The following DOC2B variants were observed in gnomAD, a reference collection of about 807,000 sequenced individuals.
DOC2B encodes the protein double C2-like domain-containing protein beta.
Under a neutral mutation model 28.9 loss-of-function variants are expected in DOC2B, and 21 were observed. The observed-to-expected ratio is 0.73, with a 90% CI of 0.52 to 1.05. DOC2B has a LOEUF of 1.05. Ranked by LOEUF, DOC2B falls within the 50% of genes least tolerant of loss-of-function variation. DOC2B has a pLI of 0.00. For synonymous variants in DOC2B, 194 were observed against 178.1 expected (o/e 1.09, Z -0.71); for missense variants, 384 against 421.1 (o/e 0.91, Z 0.77).
intron 3 of DOC2B, 97 bp downstream of exon 3, chr17:164,033 C>T (rs2040233656): frequency 1.0e-6 from 1 of 995,426 alleles, no homozygotes; most frequent in Non-Finnish European, 1.5e-6. Flanking sequence ...TGGGTGCCCG[C>T]AGCCCAGTCC....
chr17:174,571 C>T (rs1039372395), intron 1 of DOC2B, among the ~76,000 whole-genome samples: 1 of 152,178 alleles, frequency 6.6e-6, no homozygotes, highest in African/African-American at 2.4e-5. Flanking sequence ...GCTATGGCCA[C>T]GATGACTCTT....
rs1031331448 is a variant in DOC2B, at chr17:143,294, T to A, written c.*4147A>T. On this transcript the variant is annotated 3_prime_UTR_variant, in exon 9 of 9. Coordinates refer to ENST00000613549, the MANE Select transcript of DOC2B (RefSeq NM_003585.5). ...TCCGGAGTAGGTTTCAGTTGCCTTT[T>A]CCTCCGTCTTTCCACCCTCCCCTCC... 6.6e-6 allele frequency: 1 copy of A among 151,562 alleles called. No individual in the cohort carries two copies. Among genetic ancestry groups the A allele is most frequent in the Non-Finnish European group, 1.5e-5 (1 of 67,970 alleles). 9.4% of individuals were successfully genotyped at this position (151,562 alleles called of 1,614,324 possible).
chr17:159,312 G>A (rs922081120), intron 5 of DOC2B, among the ~76,000 whole-genome samples: 7 of 151,958 alleles, frequency 4.6e-5, no homozygotes, highest in South Asian at 4.1e-4. Context: ...CCAACATGGC[G>A]AACCCCCGTC....
chr17:153,330 T>A (rs1299903692), intron 6 of DOC2B, among the ~76,000 whole-genome samples: 2 of 152,130 alleles, frequency 1.3e-5, no homozygotes, highest in African/African-American at 4.8e-5. Flanking sequence ...CAGGTAAGAC[T>A]CTGCTTTCTG....
At chr17:162,392 C>CAAT (rs2040215733) in intron 3 of DOC2B, among the ~76,000 whole-genome samples, 2 of 152,164 alleles carry the variant, frequency 1.3e-5, no homozygotes, top group South Asian at 4.1e-4. Flanking sequence ...TTGGGTGGCC[C>CAAT]AATGTGGTCA....
chr17:179,337 G>T (rs2040407090), intron 1 of DOC2B, among the ~76,000 whole-genome samples: 1 of 150,746 alleles, frequency 6.6e-6, no homozygotes, highest in African/African-American at 2.4e-5. Context: ...TGGAGATGGG[G>T]CTGGCTGGCC....
At chr17:179,727 C>T (rs142295692) in intron 1 of DOC2B, among the ~76,000 whole-genome samples, 4,336 of 152,334 alleles carry the variant, frequency 0.028, 209 homozygotes, top group African/African-American at 0.099. Context: ...CCGACCCAAT[C>T]TCCCCAAGCT....
At chr17:163,282 C>T (rs1244087460) in intron 3 of DOC2B, among the ~76,000 whole-genome samples, 2 of 152,126 alleles carry the variant, frequency 1.3e-5, no homozygotes, top group African/African-American at 2.4e-5. Context: ...CATCAAGACC[C>T]TGTGTGGGGA....
At chr17:173,142 G>A (rs113473114) in intron 1 of DOC2B, among the ~76,000 whole-genome samples, 7,422 of 152,302 alleles carry the variant, frequency 0.049, 207 homozygotes, top group Non-Finnish European at 0.065. Flanking sequence ...CGAGCAGGCC[G>A]TGAGGAGCCA....
chr17:170,222 G>A (rs563719076), intron 2 of DOC2B, among the ~76,000 whole-genome samples: 2 of 152,302 alleles, frequency 1.3e-5, no homozygotes, highest in African/African-American at 4.8e-5. Flanking sequence ...CCTAGGGGTG[G>A]GCTGGAGCCC....
At position 181,380 on chromosome 17, in the gene DOC2B, A is replaced by G; in HGVS notation, c.100T>C (p.Ser34Pro). 8.7e-7 allele frequency: 1 copy of G among 1,148,806 alleles called. No homozygotes were observed. Among genetic ancestry groups the G allele is most frequent in the South Asian group, 3.0e-5 (1 of 33,044 alleles). The allele number at this position is 1,148,806 out of a possible 1,614,324, so 71.2% of individuals were successfully genotyped here. The change falls in exon 1 of 9, where the codon TCC (serine) becomes CCC (proline). Residue 34 changes from serine (S) to proline (P), a missense_variant. Coordinates refer to ENST00000613549, the MANE Select transcript of DOC2B (RefSeq NM_003585.5). This position sits in a 1 kb window ranked among gnomAD's most constrained non-coding sequence, Gnocchi z 7.0. ...CGCGGGAAGCGGGGGAAGTAGTCGG[A>G]GATCTGCTTGATGGGACGGATGGGG... ...PGPIRPIKQISDYFPRFPRGL... is the reference protein window; with the variant it reads ...PGPIRPIKQIPDYFPRFPRGL...
intron 6 of DOC2B, among the ~76,000 whole-genome samples, chr17:151,604 C>T (rs34845611): frequency 0.046 from 7,004 of 152,176 alleles, 559 homozygotes; most frequent in African/African-American, 0.16. Flanking sequence ...CCGGAGACAG[C>T]GGATTTCCTT....
chr17:148,413 C>T (rs1333166264), intron 7 of DOC2B, 144 bp from the exon 8 acceptor site: 5 of 396,736 alleles, frequency 1.3e-5, no homozygotes, highest in African/African-American at 2.1e-5. Flanking sequence ...TCACATGTCT[C>T]GCCCACTTCC....
intron 7 of DOC2B, 28 bp from the exon 8 acceptor site, chr17:148,297 T>C: frequency 2.5e-6 from 1 of 398,776 alleles, no homozygotes. Flanking sequence ...GTGTTAGGGC[T>C]GATGCCTGGG....
Position 147,116 on chromosome 17 carries a change from C to T in DOC2B, c.*325G>A, listed in dbSNP as rs2040024880. The stretch of plus-strand genomic sequence containing the variant: ...AGGCGCCCCCACACTCCTGTCCTCT[C>T]AGCCGGGGCTGGCCTCTAGAAGGGT... On this transcript the variant is annotated 3_prime_UTR_variant, in exon 9 of 9. Coordinates refer to ENST00000613549, the MANE Select transcript of DOC2B (RefSeq NM_003585.5). 7.9e-6 allele frequency: 2 copies of T among 252,644 alleles called. No homozygotes were observed. The highest frequency in any genetic ancestry group is 4.4e-5 in the African/African-American group (2 of 45,058). The allele number at this position is 252,644 out of a possible 1,614,324, so 15.7% of individuals were successfully genotyped here.
intron 2 of DOC2B, among the ~76,000 whole-genome samples, chr17:168,903 TAC>T (rs1247037148): frequency 1.3e-5 from 2 of 152,202 alleles, no homozygotes; most frequent in Admixed American, 6.5e-5. Flanking sequence ...CTTTATAAAT[TAC>T]ACAGTCTCAG....
chr17:172,671 G>T, intron 1 of DOC2B, 55 bp from the exon 2 acceptor site: 1 of 1,447,248 alleles, frequency 6.9e-7, no homozygotes, highest in Non-Finnish European at 9.4e-7. Flanking sequence ...GAGAGGCTTC[G>T]CCTGCCCCTG....
chr17:147,630 C>T lies in DOC2B; in HGVS notation c.1103-53G>A, dbSNP rs1040242926. ...GGCACAGGGACCCCCAACTCCCAGGCGTGGGGCCCATGCCCCCTCCCAGGT... is the reference window on the plus strand; with the variant it reads ...GGCACAGGGACCCCCAACTCCCAGGTGTGGGGCCCATGCCCCCTCCCAGGT... On this transcript the variant is annotated intron_variant, in intron 8 of 8. Transcript: ENST00000613549. 7.5e-5 allele frequency: 30 copies of T among 398,900 alleles called. No individual in the cohort carries two copies. In the East Asian group the frequency reaches 8.5e-4, roughly 11 times the overall value. 24.7% of individuals were successfully genotyped at this position (398,900 alleles called of 1,614,324 possible).
intron 2 of DOC2B, among the ~76,000 whole-genome samples, chr17:165,268 G>A (rs995640281): frequency 5.9e-5 from 9 of 152,088 alleles, no homozygotes; most frequent in Non-Finnish European, 8.8e-5. Flanking sequence ...CAGCGCTTGA[G>A]CCCAGGAGTT....
Sources: gnomAD v4.1 joint callset for allele counts (sites outside exome capture counted in the v4.1 genomes callset) on GRCh38, gnomAD v4.1.1 for gene constraint, Gnocchi (gnomAD v3.1) non-coding constraint, MANE v1.5 for transcripts, NCBI Gene and HGNC (gene_info 2026-07-23, HGNC 2026-07-21) for gene names.